Variants in DRC8 observed in about 807,000 individuals in gnomAD.
DRC8 encodes dynein regulatory complex protein 8.
At chr1:245,071,944 C>T in the DRC8 span, among the ~76,000 whole-genome samples, 24 of 152,278 alleles carry the variant, frequency 1.6e-4, no homozygotes, top group South Asian at 3.5e-3. Context: ...TCCAAAGCAC[C>T]GACAACAACA....
the DRC8 span, among the ~76,000 whole-genome samples, chr1:245,032,072 T>C: frequency 2.0e-5 from 3 of 152,318 alleles, no homozygotes; most frequent in Non-Finnish European, 4.4e-5. Flanking sequence ...TTCAGTGTTT[T>C]CTATATCACA....
the DRC8 span, chr1:245,017,313 A>G: frequency 1.9e-6 from 3 of 1,602,258 alleles, no homozygotes; most frequent in Non-Finnish European, 2.5e-6. Flanking sequence ...GTCGAATAAT[A>G]CAGTGGATGT....
the DRC8 span, among the ~76,000 whole-genome samples, chr1:245,063,080 C>G: frequency 6.6e-6 from 1 of 152,152 alleles, no homozygotes; most frequent in Non-Finnish European, 1.5e-5. Flanking sequence ...TGCATCTGAG[C>G]CCTCCCATGG....
At chr1:245,075,863 G>T in the DRC8 span, among the ~76,000 whole-genome samples, 1 of 152,196 alleles carries the variant, frequency 6.6e-6, no homozygotes, top group Admixed American at 6.5e-5. Flanking sequence ...GTCTTTTGAA[G>T]GGAGGGATGT....
At chr1:245,100,395 G>GTAATAATAA in the DRC8 span, among the ~76,000 whole-genome samples, 890 of 149,268 alleles carry the variant, frequency 6.0e-3, 7 homozygotes, top group East Asian at 0.029. Context: ...AAAAGTAGTA[G>GTAATAATAA]TAATAATAAT....
chr1:245,123,236 G>A, the DRC8 span: 1 of 152,178 alleles, frequency 6.6e-6, no homozygotes, highest in Non-Finnish European at 1.5e-5. The surrounding 1 kb of genome is among the most constrained non-coding windows in gnomAD (Gnocchi z 5.0). Context: ...TATTCAGGAT[G>A]TACTTCTCCC....
chr1:245,032,635 A>G, the DRC8 span, among the ~76,000 whole-genome samples: 5 of 152,154 alleles, frequency 3.3e-5, no homozygotes, highest in African/African-American at 1.2e-4. Flanking sequence ...TTATTATTTG[A>G]GTTCTGTAAC....
chr1:245,099,008 T>A, the DRC8 span, among the ~76,000 whole-genome samples: 3 of 152,194 alleles, frequency 2.0e-5, no homozygotes, highest in African/African-American at 7.2e-5. Flanking sequence ...AATGCAACCA[T>A]CACACCCTTG....
the DRC8 span, among the ~76,000 whole-genome samples, chr1:244,977,319 T>C: frequency 3.3e-5 from 5 of 152,284 alleles, no homozygotes; most frequent in South Asian, 1.0e-3. Context: ...AAATAGAAAA[T>C]GTTGAGTACA....
At chr1:245,077,724 C>T in the DRC8 span, among the ~76,000 whole-genome samples, 1 of 152,102 alleles carries the variant, frequency 6.6e-6, no homozygotes, top group Non-Finnish European at 1.5e-5. Context: ...GAAATCAACT[C>T]AAGCTGGATT....
At chr1:245,057,430 A>G in the DRC8 span, among the ~76,000 whole-genome samples, 1 of 152,214 alleles carries the variant, frequency 6.6e-6, no homozygotes, top group Non-Finnish European at 1.5e-5. Context: ...TCAACATGTA[A>G]CCAATATTAA....
chr1:245,019,416 C>T, the DRC8 span, among the ~76,000 whole-genome samples: 95 of 152,254 alleles, frequency 6.2e-4, no homozygotes, highest in Non-Finnish European at 3.4e-4. Flanking sequence ...AAGATAGGGT[C>T]TTACTCTGTC....
chr1:245,087,625 C>A, the DRC8 span: 3 of 1,065,428 alleles, frequency 2.8e-6, no homozygotes, highest in Non-Finnish European at 3.4e-6. Context: ...TTATTTTCTA[C>A]AATAAAACTC....
the DRC8 span, among the ~76,000 whole-genome samples, chr1:245,004,223 A>AT: frequency 2.0e-4 from 30 of 148,860 alleles, no homozygotes; most frequent in South Asian, 4.3e-4. Flanking sequence ...CTTTGGATTG[A>AT]TTTTTTTTTT....
the DRC8 span, among the ~76,000 whole-genome samples, chr1:245,056,659 C>T: frequency 1.9e-3 from 294 of 152,218 alleles, 1 homozygote; most frequent in African/African-American, 6.7e-3. Flanking sequence ...TAGACAAGGC[C>T]GGGTGTGGTG....
the DRC8 span, among the ~76,000 whole-genome samples, chr1:245,116,697 A>G: frequency 6.6e-6 from 1 of 152,322 alleles, no homozygotes. Context: ...GCTAAAACCT[A>G]TTTTTTATCT....
the DRC8 span, among the ~76,000 whole-genome samples, chr1:245,029,638 C>T: frequency 6.7e-5 from 10 of 149,446 alleles, no homozygotes; most frequent in Non-Finnish European, 1.3e-4. Context: ...CTCTGTCACC[C>T]GGACTGGAGT....
the DRC8 span, among the ~76,000 whole-genome samples, chr1:245,009,616 C>T: frequency 5.0e-4 from 75 of 151,146 alleles, no homozygotes; most frequent in Non-Finnish European, 7.8e-4. Flanking sequence ...TACAGGCGCC[C>T]GCCATCATGC....
At chr1:244,972,682 G>C in the DRC8 span, among the ~76,000 whole-genome samples, 5 of 152,074 alleles carry the variant, frequency 3.3e-5, no homozygotes, top group Non-Finnish European at 7.4e-5. Context: ...GCTGGGCGTG[G>C]TGGCACGCCC....
Sources: gnomAD v4.1 joint callset for allele counts (sites outside exome capture counted in the v4.1 genomes callset) on GRCh38, gnomAD v4.1.1 for gene constraint, Gnocchi (gnomAD v3.1) non-coding constraint, MANE v1.5 for transcripts, NCBI Gene and HGNC (gene_info 2026-07-23, HGNC 2026-07-21) for gene names.